SPRY3: variants seen among roughly 807,000 people sequenced by gnomAD.
SPRY3 encodes the protein protein sprouty homolog 3.
Under a neutral mutation model 20.2 loss-of-function variants are expected in SPRY3, and 15 were observed. That is an observed-to-expected ratio of 0.74 (90% confidence interval 0.50 to 1.14). SPRY3 has a LOEUF of 1.14. Ranked by LOEUF, SPRY3 falls within the 50% of genes most tolerant of loss-of-function variation. The pLI, the probability that SPRY3 is intolerant of heterozygous loss-of-function variation, is 0.00. For missense variants in SPRY3, 364 were observed against 363.9 expected (o/e 1.00, Z 0.00); for synonymous variants, 143 against 136.5 (o/e 1.05, Z -0.33).
At chrX:155,751,978 TAA>T (rs1234557830) in intron 2 of SPRY3, among the ~76,000 whole-genome samples, 1 of 108,180 alleles carries the variant, frequency 9.2e-6, no homozygotes, top group South Asian at 3.2e-4. Context: ...TAAAATAAAA[TAA>T]AATAAAGGAA....
chrX:155,716,733 A>G (rs772100686), intron 2 of SPRY3, among the ~76,000 whole-genome samples: 1 of 151,578 alleles, frequency 6.6e-6, no homozygotes, highest in African/African-American at 2.4e-5. Flanking sequence ...TTTTCTATGA[A>G]TTGCCCCTGT....
At chrX:155,673,090 G>C (rs1413603970) in intron 2 of SPRY3, among the ~76,000 whole-genome samples, 3 of 81,197 alleles carry the variant, frequency 3.7e-5, no homozygotes, top group Admixed American at 1.4e-4. Flanking sequence ...GGGAGGGATA[G>C]CATTAGGAGA....
In SPRY3 at chrX:155,773,307, G is replaced by GTTATATATATAT. The variant is rs4013148; in HGVS notation, c.-106-459_-106-458insTTATATATATAT. Among the ~76,000 whole-genome samples the GTTATATATATAT allele has an allele frequency of 8.0e-4, 96 of 120,708 alleles. 1 individual carries two copies. Among genetic ancestry groups the GTTATATATATAT allele is most frequent in the East Asian group, 1.9e-3 (7 of 3,724 alleles). The allele number at this position is 120,708 out of a possible 152,430, so 79.2% of individuals were successfully genotyped here. ...CACACTGAAAAGATAATTTTGATTG[G>GTTATATATATAT]ATATATATATATATATATATATATA... is the stretch of plus-strand genomic sequence containing the variant. On this transcript the variant is annotated intron_variant, in intron 3 of 3. Transcript: ENST00000675360.
chrX:155,763,936 G>A (rs1451557789), intron 2 of SPRY3, among the ~76,000 whole-genome samples: 1 of 152,136 alleles, frequency 6.6e-6, no homozygotes, highest in African/African-American at 2.4e-5. Flanking sequence ...AGCATGGAAA[G>A]GTGTATTTTA....
chrX:155,618,519 A>G (rs2067861290), intron 1 of SPRY3, among the ~76,000 whole-genome samples: 1 of 111,411 alleles, frequency 9.0e-6, no homozygotes, highest in African/African-American at 3.3e-5. Flanking sequence ...TGGGAATACC[A>G]GTTTTAATTT....
chrX:155,648,254 G>A (rs1220065409), intron 1 of SPRY3, among the ~76,000 whole-genome samples: 2 of 112,300 alleles, frequency 1.8e-5, no homozygotes, highest in Non-Finnish European at 3.8e-5. Flanking sequence ...TAGGTTGCTG[G>A]TTCACTCTGA....
chrX:155,777,678 A>AT (rs1410240586), downstream of SPRY3: 1 of 31,356 alleles, frequency 3.2e-5, no homozygotes, highest in East Asian at 1.2e-3. Flanking sequence ...TGTATTGCAC[A>AT]TGTATATTTA....
downstream of SPRY3, chrX:155,781,172 T>C (rs1361123914): frequency 6.0e-6 from 1 of 166,888 alleles, no homozygotes; most frequent in Non-Finnish European, 1.5e-5. Flanking sequence ...AAAGTTAGAA[T>C]ATGCCACTAA....
At chrX:155,732,572 A>G (rs968527319) in intron 2 of SPRY3, among the ~76,000 whole-genome samples, 2 of 152,088 alleles carry the variant, frequency 1.3e-5, no homozygotes, top group Admixed American at 6.6e-5. Flanking sequence ...TAATACAACC[A>G]CTATGGAAAT....
Position 155,689,610 on chromosome X carries a change from G to C in SPRY3, c.-282+32585G>C, listed in dbSNP as rs1031489536. Reference sequence around the variant, plus strand: ...AGATTTTCTAGTTTATGTGTATAGAGGTGTTCATAATATCCCAGCGATTCT... The same window carrying C: ...AGATTTTCTAGTTTATGTGTATAGACGTGTTCATAATATCCCAGCGATTCT... On this transcript the variant is annotated intron_variant, in intron 2 of 3. Coordinates refer to ENST00000675360, the Ensembl canonical transcript of SPRY3. 5.8e-5 allele frequency among the ~76,000 whole-genome samples: 5 copies of C among 86,685 alleles called. 1 individual carries two copies. Among genetic ancestry groups the C allele is most frequent in the African/African-American group, 2.8e-4 (5 of 17,895 alleles). The allele number at this position is 86,685 out of a possible 115,157, so 75.3% of individuals were successfully genotyped here. A position where few individuals can be genotyped will look rare whatever the true frequency, so the allele number is the denominator to read the frequency against.
chrX:155,726,005 TC>T (rs1329004306), intron 2 of SPRY3, among the ~76,000 whole-genome samples: 2 of 152,174 alleles, frequency 1.3e-5, no homozygotes, highest in African/African-American at 4.8e-5. Context: ...TCCCAGAGAT[TC>T]TGGTATGTTG....
At chrX:155,692,267 T>C (rs1333161610) in intron 2 of SPRY3, among the ~76,000 whole-genome samples, 22 of 111,365 alleles carry the variant, frequency 2.0e-4, no homozygotes, top group Non-Finnish European at 3.8e-5. Context: ...TCATTTTTTT[T>C]TCCATGTGAA....
chrX:155,739,310 C>T (rs2091189865), intron 2 of SPRY3, among the ~76,000 whole-genome samples: 1 of 152,204 alleles, frequency 6.6e-6, no homozygotes, highest in Non-Finnish European at 1.5e-5. Context: ...ACTCTGATCT[C>T]TCCCTGAGAT....
intron 1 of SPRY3, among the ~76,000 whole-genome samples, chrX:155,624,015 G>T (rs932070764): frequency 8.9e-6 from 1 of 112,194 alleles, no homozygotes; most frequent in Admixed American, 9.5e-5. Flanking sequence ...CTCAGATTTA[G>T]AGTGTAATAA....
At chrX:155,672,730 A>T (rs1971348059) in intron 2 of SPRY3, among the ~76,000 whole-genome samples, 1 of 106,273 alleles carries the variant, frequency 9.4e-6, no homozygotes, top group Admixed American at 1.0e-4. Context: ...TACCCAAAGG[A>T]CTATAAATCA....
rs782743976 is a variant in SPRY3 at position 155,661,898 on chromosome X, T to A, written c.-282+4873T>A. On this transcript the variant is annotated intron_variant, in intron 2 of 3. Coordinates refer to ENST00000675360, the Ensembl canonical transcript of SPRY3. The stretch of plus-strand genomic sequence containing the variant: ...TTTCCAGTAGTTCTGTATGGGTTTT[T>A]AAAAAAATTTTCTGTCTCTTTAGTA... 7.1e-4 allele frequency among the ~76,000 whole-genome samples: 79 copies of A among 112,025 alleles called. 1 individual carries two copies. The highest frequency in any genetic ancestry group is 1.0e-3 in the African/African-American group (32 of 30,956).
At chrX:155,722,460 G>A (rs1272303826) in intron 2 of SPRY3, among the ~76,000 whole-genome samples, 1 of 152,122 alleles carries the variant, frequency 6.6e-6, no homozygotes, top group Non-Finnish European at 1.5e-5. Flanking sequence ...GGTGGAGGTT[G>A]CAGTGAGCCA....
intron 1 of SPRY3, among the ~76,000 whole-genome samples, chrX:155,618,143 A>G (rs1010264253): frequency 3.6e-5 from 4 of 112,103 alleles, no homozygotes; most frequent in African/African-American, 9.7e-5. Context: ...CATTGCCACA[A>G]GCTTTCTCAT....
intron 1 of SPRY3, among the ~76,000 whole-genome samples, chrX:155,651,152 G>A (rs370496198): frequency 1.9e-5 from 2 of 107,546 alleles, no homozygotes; most frequent in African/African-American, 3.4e-5. Flanking sequence ...CTTGGCTCAC[G>A]GCAGCCTCCA....
Sources: allele counts gnomAD v4.1 joint callset (sites outside exome capture counted in the v4.1 genomes callset), GRCh38; gene constraint gnomAD v4.1.1; transcripts MANE v1.5; gene names NCBI Gene and HGNC (gene_info 2026-07-23, HGNC 2026-07-21).